Variants in GLS2 observed in about 807,000 individuals in gnomAD.
The protein encoded by GLS2 is glutaminase liver isoform, mitochondrial.
A neutral mutation model predicts 79.0 loss-of-function variants in GLS2; 52 were observed. That is an observed-to-expected ratio of 0.66 (90% CI 0.53 to 0.83). The LOEUF (loss-of-function observed/expected upper bound fraction) is 0.83, where lower values mean the gene tolerates loss of function less well. GLS2 is among the 40% of genes least tolerant of loss of function. The pLI is 0.00. For synonymous variants in GLS2, 238 were observed against 280.8 expected (o/e 0.85, Z 1.52); for missense variants, 561 against 764.8 (o/e 0.73, Z 3.14).
chr12:56,475,082 G>T lies in GLS2; in HGVS notation c.958C>A (p.Arg320=). Residue 320 remains arginine (R), a synonymous_variant, in exon 10 of 18, where the codon CGG becomes AGG. Transcript: ENST00000311966. ...TFQSEKETGD[R]NYAIGYYLKE... ...AGATAATAGCCGATGGCATAATTCC[G>T]ATCCCCTGTTTCCTTCTCTGACTGG... is the stretch of plus-strand genomic sequence containing the variant. 6.2e-7 allele frequency: 1 copy of T among 1,614,004 alleles called. No homozygotes were observed. Among genetic ancestry groups the T allele is most frequent in the Non-Finnish European group, 8.5e-7 (1 of 1,180,016 alleles).
At chr12:56,473,168 C>T (rs1033431557) in intron 14 of GLS2, 60 bp downstream of exon 14, 48 of 1,492,592 alleles carry the variant, frequency 3.2e-5, no homozygotes, top group African/African-American at 2.6e-4. Context: ...GGATTACAGG[C>T]GTGAGCCACC....
chr12:56,472,754 G>A lies in GLS2; in HGVS notation c.1450-3C>T. The A allele has an allele frequency of 6.2e-7, 1 of 1,613,692 alleles. No homozygotes were observed. Among genetic ancestry groups the A allele is most frequent in the African/African-American group, 1.3e-5 (1 of 75,002 alleles). On this transcript the variant is annotated splice_polypyrimidine_tract_variant and splice_region_variant and intron_variant, in intron 14 of 17. Coordinates refer to ENST00000311966, the MANE Select transcript of GLS2 (RefSeq NM_013267.4). The stretch of plus-strand genomic sequence containing the variant: ...AACAGGTTGACCACAGTCTTGTTCT[G>A]GAACACAAATCATACCCACATGACA...
At position 56,473,462 on chromosome 12, in the gene GLS2, C is replaced by T; in HGVS notation, c.1356+1G>A. 6.2e-7 allele frequency: 1 copy of T among 1,610,320 alleles called. No individual in the cohort carries two copies. Among genetic ancestry groups the T allele is most frequent in the Non-Finnish European group, 8.5e-7 (1 of 1,177,748 alleles). The stretch of plus-strand genomic sequence containing the variant: ...TAAGTACTATATGCAAAGCATCTCA[C>T]CTGGCAGAAGCTGGTCCCCCTATGG... On this transcript the variant is annotated splice_donor_variant, in intron 13 of 17. Coordinates refer to ENST00000311966, the MANE Select transcript of GLS2 (RefSeq NM_013267.4). LOFTEE classifies it high-confidence loss of function.
chr12:56,482,201 A>G (rs1870353602), intron 1 of GLS2, among the ~76,000 whole-genome samples: 1 of 152,184 alleles, frequency 6.6e-6, no homozygotes, highest in Non-Finnish European at 1.5e-5. Flanking sequence ...ACTGCACTCC[A>G]GCCTGGGTGA....
rs1453267184 is a variant in GLS2, at chr12:56,471,847, G to A, written c.1589-11C>T. ...CAACTTCGATGTGTCCTAGGAATAT[G>A]GGCAGAAGGAAAATGAGAAGGCGCA... On this transcript the variant is annotated splice_polypyrimidine_tract_variant and intron_variant, in intron 16 of 17. Coordinates refer to ENST00000311966, the MANE Select transcript of GLS2 (RefSeq NM_013267.4). 14 of 1,613,374 alleles carry A rather than the reference G, an allele frequency of 8.7e-6. No individual in the cohort carries two copies. The highest frequency in any genetic ancestry group is 1.2e-5 in the Non-Finnish European group (14 of 1,179,796).
At chr12:56,476,206 A>G (rs1022695280) in intron 7 of GLS2, 7 of 397,840 alleles carry the variant, frequency 1.8e-5, no homozygotes, top group African/African-American at 1.3e-4. Context: ...CTTGTCACCC[A>G]GGCTGGAGTG....
At chr12:56,487,830 G>A (rs117867773) in intron 1 of GLS2, 107 bp downstream of exon 1, 63,003 of 1,265,918 alleles carry the variant, frequency 0.05, 1,917 homozygotes, top group Non-Finnish European at 0.06. Context: ...AGTGAGCGAG[G>A]AGAGGGGAGA....
chr12:56,480,495 TC>T, intron 1 of GLS2, 108 bp from the exon 2 acceptor site: 1 of 796,996 alleles, frequency 1.3e-6, no homozygotes, highest in East Asian at 2.5e-5. Context: ...ATTCTATGCC[TC>T]CTCCTTAAGC....
At chr12:56,476,311 G>C (rs935387193) in intron 7 of GLS2, 2 of 301,856 alleles carry the variant, frequency 6.6e-6, no homozygotes, top group Non-Finnish European at 1.3e-5. Flanking sequence ...ACAGGCATGA[G>C]CCAGCTTGCT....
chr12:56,488,027 AG>A lies in GLS2; in HGVS notation c.91del (p.Leu31SerfsTer66). Reference protein sequence around the residue: ...GGWGHPSRSPLLGGGVRHHLS... With the variant: ...GGWGHPSRSPXLGGGVRHHLS... ...GTGGTGCCGGACGCCCCCGCCAAGG[AG>A]GGGGCTCCGGCTCGGGTGACCCCAG... On this transcript the variant is annotated frameshift_variant, in exon 1 of 18. Coordinates refer to ENST00000311966, the MANE Select transcript of GLS2 (RefSeq NM_013267.4). LOFTEE classifies it high-confidence loss of function. 3 of 1,595,358 alleles carry A rather than the reference AG, an allele frequency of 1.9e-6. No homozygotes were observed. The highest frequency in any genetic ancestry group is 1.7e-6 in the Non-Finnish European group (2 of 1,177,334).
At chr12:56,484,396 A>G (rs1258939130) in intron 1 of GLS2, among the ~76,000 whole-genome samples, 1 of 152,220 alleles carries the variant, frequency 6.6e-6, no homozygotes, top group Admixed American at 6.5e-5. Flanking sequence ...TTTGAACCAT[A>G]TGGAATATAT....
chr12:56,482,572 T>G (rs1870378721), intron 1 of GLS2, among the ~76,000 whole-genome samples: 1 of 152,190 alleles, frequency 6.6e-6, no homozygotes, highest in Non-Finnish European at 1.5e-5. Context: ...GTTTTATACA[T>G]CTTTGTCTTC....
chr12:56,480,386 C>T lies in GLS2; in HGVS notation c.184G>A (p.Asp62Asn). The change falls in exon 2 of 18, where the codon GAT (aspartate) becomes AAT (asparagine). Residue 62 changes from aspartate to asparagine, a missense_variant and splice_region_variant. Coordinates refer to ENST00000311966, the MANE Select transcript of GLS2 (RefSeq NM_013267.4). ...GACAGCATGCCACTTTCTGATGAAT[C>T]ACTGTTTGGGGGCAGAGAATGGGGA... Reference protein sequence around the residue: ...HSHQPQHQDHDSSESGMLSRL... With the variant: ...HSHQPQHQDHNSSESGMLSRL... 6.2e-7 allele frequency: 1 copy of T among 1,613,724 alleles called. No homozygotes were observed. The highest frequency in any genetic ancestry group is 8.5e-7 in the Non-Finnish European group (1 of 1,179,662).
chr12:56,485,765 G>A (rs1265350689), intron 1 of GLS2, among the ~76,000 whole-genome samples: 4 of 151,842 alleles, frequency 2.6e-5, no homozygotes, highest in African/African-American at 2.4e-5. Context: ...AATATGGCCC[G>A]GCACGGTGGC....
rs1047739698 is a variant in GLS2 at position 56,478,899 on chromosome 12, G to A, written c.534+153C>T. The A allele has an allele frequency of 2.2e-5, 20 of 896,384 alleles. 1 individual carries two copies. Among genetic ancestry groups the A allele is most frequent in the Admixed American group, 5.2e-5 (2 of 38,658 alleles). The allele number at this position is 896,384 out of a possible 1,614,324, so 55.5% of individuals were successfully genotyped here. On this transcript the variant is annotated intron_variant, in intron 4 of 17. Coordinates refer to ENST00000311966, the MANE Select transcript of GLS2 (RefSeq NM_013267.4). ...CTCGGGAGGCTGAGACAGGAGAATCGCTTGAACCTGGGAGGTGGAGGTTGC... is the reference window on the plus strand; with the variant it reads ...CTCGGGAGGCTGAGACAGGAGAATCACTTGAACCTGGGAGGTGGAGGTTGC...
At position 56,474,765 on chromosome 12, in the gene GLS2, A is replaced by G. The variant is rs759726611; in HGVS notation, c.1048-45T>C. On this transcript the variant is annotated intron_variant, in intron 11 of 17. Transcript: ENST00000311966. ...GTGAAGATGTGACGTGAACCTGCAC[A>G]TGGGACCCTCGGGTGTAGGGAAAGG... 5.0e-6 allele frequency: 8 copies of G among 1,611,782 alleles called. No homozygotes were observed. The Admixed American group carries it at 6.7e-5, about 13-fold the overall frequency.
chr12:56,475,349 T>A, intron 9 of GLS2: 1 of 1,121,090 alleles, frequency 8.9e-7, no homozygotes, highest in South Asian at 1.6e-5. Context: ...CTAGGAAAAC[T>A]GGTGAAGTTT....
At chr12:56,480,188 T>TATG (rs1165282217) in intron 2 of GLS2, 100 bp downstream of exon 2, 5 of 1,012,728 alleles carry the variant, frequency 4.9e-6, no homozygotes, top group Non-Finnish European at 7.5e-6. Flanking sequence ...CACCCTCATG[T>TATG]AGCAACCCAT....
chr12:56,480,068 A>C (rs1251831633), intron 2 of GLS2, among the ~76,000 whole-genome samples, 167 bp from the exon 3 acceptor site: 6 of 152,218 alleles, frequency 3.9e-5, no homozygotes, highest in Non-Finnish European at 8.8e-5. Context: ...TCTGAAGGCT[A>C]ACAAGGGTTT....
Sources: gnomAD v4.1 joint callset for allele counts (sites outside exome capture counted in the v4.1 genomes callset) on GRCh38, gnomAD v4.1.1 for gene constraint, MANE v1.5 for transcripts, NCBI Gene and HGNC (gene_info 2026-07-23, HGNC 2026-07-21) for gene names.